Variants in ZBTB8B observed in about 807,000 individuals in gnomAD.
The protein encoded by ZBTB8B is zinc finger and BTB domain-containing protein 8B.
ZBTB8B carries 17 observed loss-of-function variants against 30.3 expected under a neutral mutation model. That is an observed-to-expected ratio of 0.56 (90% CI 0.38 to 0.84). The LOEUF (loss-of-function observed/expected upper bound fraction) is 0.84. ZBTB8B is among the 40% of genes least tolerant of loss of function. The probability of loss-of-function intolerance (pLI) is 0.00; values close to 1 mark genes in which losing one functional copy is unlikely to be tolerated. For missense variants in ZBTB8B, 515 were observed against 644.9 expected (o/e 0.80, Z 2.18); for synonymous variants, 248 against 255.6 (o/e 0.97, Z 0.28).
chr1:32,489,483 A>C lies in ZBTB8B; in HGVS notation c.*4065A>C, dbSNP rs1643766032. On this transcript the variant is annotated 3_prime_UTR_variant, in exon 4 of 4. Coordinates refer to ENST00000609129, the MANE Select transcript of ZBTB8B (RefSeq NM_001145720.2). Reference sequence around the variant, plus strand: ...AGGAGATACTTCCTCTGTCTAGACTATCAGATCATAAATTGGTCCCCTTTA... The same window carrying C: ...AGGAGATACTTCCTCTGTCTAGACTCTCAGATCATAAATTGGTCCCCTTTA... 1 of 152,206 alleles carries C rather than the reference A, an allele frequency of 6.6e-6. No individual in the cohort carries two copies. Among genetic ancestry groups the C allele is most frequent in the Non-Finnish European group, 1.5e-5 (1 of 68,028 alleles). 9.4% of individuals were successfully genotyped at this position (152,206 alleles called of 1,614,324 possible).
intron 2 of ZBTB8B, among the ~76,000 whole-genome samples, chr1:32,476,977 C>A (rs187257435): frequency 6.6e-6 from 1 of 152,248 alleles, no homozygotes; most frequent in East Asian, 1.9e-4. Flanking sequence ...ATGTGACCAT[C>A]ACAATCTAGT....
intron 2 of ZBTB8B, among the ~76,000 whole-genome samples, chr1:32,473,479 A>G (rs545520713): frequency 6.8e-6 from 1 of 146,636 alleles, no homozygotes; most frequent in East Asian, 2.0e-4. Flanking sequence ...GAGATCAGCT[A>G]TTTTTATTCA....
Position 32,485,198 on chromosome 1 carries a change from G to A in ZBTB8B, c.1268G>A (p.Ser423Asn). 2 of 1,551,948 alleles carry A rather than the reference G, an allele frequency of 1.3e-6. No individual in the cohort carries two copies. Among genetic ancestry groups the A allele is most frequent in the Non-Finnish European group, 1.7e-6 (2 of 1,147,044 alleles). ...CTGCGGCGCTTCGGGCTGTGTGACA[G>A]CTGCACCTGCGTTACAGACACACCC... ...QGLRRFGLCD[S>N]CTCVTDTPDD... The change falls in exon 4 of 4, where the codon AGC becomes AAC. Residue 423 changes from serine (S) to asparagine (N), a missense_variant. Physicochemically the swap from Ser to Asn is conservative, Grantham distance 46. Transcript: ENST00000609129.
Position 32,485,433 on chromosome 1 carries a change from G to C in ZBTB8B, c.*15G>C, listed in dbSNP as rs745697456. On this transcript the variant is annotated 3_prime_UTR_variant, in exon 4 of 4. Coordinates refer to ENST00000609129, the MANE Select transcript of ZBTB8B (RefSeq NM_001145720.2). ...CACTTACGTAGCAATAAATTGGTGGGGAAGAGGAGGTTTTAAAACTTGTTA... is the reference window on the plus strand; with the variant it reads ...CACTTACGTAGCAATAAATTGGTGGCGAAGAGGAGGTTTTAAAACTTGTTA... The C allele has an allele frequency of 3.2e-6, 5 of 1,542,508 alleles. No homozygotes were observed. The South Asian group carries it at 4.8e-5, about 15-fold the overall frequency.
rs559351953 is a variant in ZBTB8B, at chr1:32,486,165, A to C, written c.*747A>C. On this transcript the variant is annotated 3_prime_UTR_variant, in exon 4 of 4. Transcript: ENST00000609129. ...ATACAACCTGTTCTGTTATCATAAAACAACTCATTTGGGCAAAACTCAAAA... is the reference window on the plus strand; with the variant it reads ...ATACAACCTGTTCTGTTATCATAAACCAACTCATTTGGGCAAAACTCAAAA... 2.6e-5 allele frequency: 4 copies of C among 152,358 alleles called. No homozygotes were observed. Among genetic ancestry groups the C allele is most frequent in the Admixed American group, 6.5e-5 (1 of 15,308 alleles). 9.4% of individuals were successfully genotyped at this position (152,358 alleles called of 1,614,324 possible).
At chr1:32,477,400 T>C (rs1310360999) in intron 2 of ZBTB8B, among the ~76,000 whole-genome samples, 2 of 152,232 alleles carry the variant, frequency 1.3e-5, no homozygotes, top group African/African-American at 4.8e-5. Flanking sequence ...AGACAATCCA[T>C]ACTTTTCTGA....
Position 32,468,672 on chromosome 1 carries a change from G to A in ZBTB8B, c.-41-1912G>A, listed in dbSNP as rs1315787713. ...CCAGTCTTGTTCGTGACCAGCCTGG[G>A]TAACACAGTGAAACCCCATCTCTAC... On this transcript the variant is annotated intron_variant, in intron 1 of 3. Coordinates refer to ENST00000609129, the MANE Select transcript of ZBTB8B (RefSeq NM_001145720.2). Among the ~76,000 whole-genome samples, 4 of 152,054 alleles carry A rather than the reference G, an allele frequency of 2.6e-5. No individual in the cohort carries two copies. In the East Asian group the frequency reaches 5.8e-4, roughly 22 times the overall value.
chr1:32,479,196 C>A (rs1017067778), intron 2 of ZBTB8B, among the ~76,000 whole-genome samples: 15 of 151,912 alleles, frequency 9.9e-5, no homozygotes, highest in Admixed American at 7.9e-4. Context: ...ATGATATGAC[C>A]AAAGTCTATA....
In ZBTB8B at chr1:32,484,063, G is replaced by T. The variant is rs1174635742; in HGVS notation, c.1171-1038G>T. Among the ~76,000 whole-genome samples the T allele has an allele frequency of 6.6e-6, 1 of 151,898 alleles. No individual in the cohort carries two copies. The highest frequency in any genetic ancestry group is 1.5e-5 in the Non-Finnish European group (1 of 67,964). On this transcript the variant is annotated intron_variant, in intron 3 of 3. Transcript: ENST00000609129. The surrounding 1 kb of genome is among the most constrained non-coding windows in gnomAD (Gnocchi z 4.5). ...CTACAAGAAATAAAAAATTAGCCAG[G>T]CATGATGATATGTGGGCGCCTGTGG... is the stretch of plus-strand genomic sequence containing the variant.
chr1:32,466,490 T>C (rs561628839), intron 1 of ZBTB8B, among the ~76,000 whole-genome samples: 1 of 152,230 alleles, frequency 6.6e-6, no homozygotes, highest in East Asian at 1.9e-4. Flanking sequence ...TAAGAGCTGC[T>C]CTTCTGGGAT....
rs894641937 is a variant in ZBTB8B, at chr1:32,473,799, G to C, written c.991+2184G>C. Among the ~76,000 whole-genome samples, 10 of 152,140 alleles carry C rather than the reference G, an allele frequency of 6.6e-5. No homozygotes were observed. In the East Asian group the frequency reaches 1.9e-3, roughly 29 times the overall value. ...GCCTCTCAAAGTGCCAGGATTACAGGTGTGAGCCATTGTGCCTGGCCTGTC... is the reference window on the plus strand; with the variant it reads ...GCCTCTCAAAGTGCCAGGATTACAGCTGTGAGCCATTGTGCCTGGCCTGTC... On this transcript the variant is annotated intron_variant, in intron 2 of 3. Coordinates refer to ENST00000609129, the MANE Select transcript of ZBTB8B (RefSeq NM_001145720.2).
chr1:32,470,516 A>G (rs980198455), intron 1 of ZBTB8B, 68 bp from the exon 2 acceptor site: 54 of 1,121,900 alleles, frequency 4.8e-5, no homozygotes, highest in East Asian at 1.4e-4. Context: ...AAAAAAAAAA[A>G]AAAAAAAAAA....
rs924975742 is a variant in ZBTB8B at position 32,480,861 on chromosome 1, A to G, written c.992-30A>G. The G allele has an allele frequency of 3.2e-6, 5 of 1,543,944 alleles. No individual in the cohort carries two copies. The African/African-American group carries it at 6.8e-5, about 21-fold the overall frequency. Reference sequence around the variant, plus strand: ...GCCAGGGTTGGTCACTGCATACAGCACAGCTAAATGAAAGCATTTGGTTCC... The same window carrying G: ...GCCAGGGTTGGTCACTGCATACAGCGCAGCTAAATGAAAGCATTTGGTTCC... On this transcript the variant is annotated intron_variant, in intron 2 of 3. Transcript: ENST00000609129.
At chr1:32,473,782 A>C (rs1643641551) in intron 2 of ZBTB8B, among the ~76,000 whole-genome samples, 1 of 152,054 alleles carries the variant, frequency 6.6e-6, no homozygotes, top group African/African-American at 2.4e-5. Context: ...CAGCCTCTCA[A>C]AGTGCCAGGA....
At position 32,494,312 on chromosome 1, in the gene ZBTB8B, C is replaced by T. The variant is rs996211055; in HGVS notation, c.*8894C>T. ...CAACTCCATGTGACAGATGAAATGACGTTTCTAGTTCTCACACAGCTGGTT... is the reference window on the plus strand; with the variant it reads ...CAACTCCATGTGACAGATGAAATGATGTTTCTAGTTCTCACACAGCTGGTT... On this transcript the variant is annotated 3_prime_UTR_variant, in exon 4 of 4. Transcript: ENST00000609129. 7.3e-5 allele frequency: 11 copies of T among 151,646 alleles called. No individual in the cohort carries two copies. Among genetic ancestry groups the T allele is most frequent in the African/African-American group, 1.9e-4 (8 of 41,226 alleles). 9.4% of individuals were successfully genotyped at this position (151,646 alleles called of 1,614,324 possible). A position where few individuals can be genotyped will look rare whatever the true frequency, so the allele number is the denominator to read the frequency against.
At chr1:32,480,836 G>C (rs1209551416) in intron 2 of ZBTB8B, 55 bp from the exon 3 acceptor site, 5 of 1,474,412 alleles carry the variant, frequency 3.4e-6, no homozygotes, top group Non-Finnish European at 4.5e-6. Context: ...CCGGCGGGTA[G>C]CCAGGGTTGG....
chr1:32,471,475 T>C lies in ZBTB8B; in HGVS notation c.851T>C (p.Leu284Pro). ...NYHVKQFLEA[L>P]LRNSAAPSKD... The stretch of plus-strand genomic sequence containing the variant: ...CACGTGAAGCAGTTCCTGGAGGCGC[T>C]CTTGCGCAACAGCGCTGCCCCGAGC... Residue 284 changes from leucine to proline, a missense_variant, in exon 2 of 4, where the codon CTC (leucine) becomes CCC (proline). Coordinates refer to ENST00000609129, the MANE Select transcript of ZBTB8B (RefSeq NM_001145720.2). 1 of 1,551,818 alleles carries C rather than the reference T, an allele frequency of 6.4e-7. No homozygotes were observed. Among genetic ancestry groups the C allele is most frequent in the South Asian group, 1.2e-5 (1 of 84,066 alleles).
rs531986003 is a variant in ZBTB8B, at chr1:32,485,153, C to T, written c.1223C>T (p.Thr408Met). 1.8e-4 allele frequency: 274 copies of T among 1,552,120 alleles called. No individual in the cohort carries two copies. Among genetic ancestry groups the T allele is most frequent in the Non-Finnish European group, 1.8e-4 (201 of 1,147,096 alleles). ...IICKGCRRTF[T>M]SHLSQGLRRF... ...TGCAAGGGCTGCAGGAGAACATTCA[C>T]GAGTCACCTGTCCCAGGGGCTGCGG... Residue 408 changes from threonine (T) to methionine (M), a missense_variant, in exon 4 of 4, where the codon ACG becomes ATG. By Grantham distance (81) the Thr-to-Met change is moderately conservative. Transcript: ENST00000609129.
rs1280486068 is a variant in ZBTB8B, at chr1:32,491,947, T to C, written c.*6529T>C. On this transcript the variant is annotated 3_prime_UTR_variant, in exon 4 of 4. Coordinates refer to ENST00000609129, the MANE Select transcript of ZBTB8B (RefSeq NM_001145720.2). ...CTATGCTAAGCAATTGCATAACAGATATTACACCTAATTCCTATAGAATAT... is the reference window on the plus strand; with the variant it reads ...CTATGCTAAGCAATTGCATAACAGACATTACACCTAATTCCTATAGAATAT... The C allele has an allele frequency of 6.6e-6, 1 of 152,240 alleles. No homozygotes were observed. 9.4% of individuals were successfully genotyped at this position (152,240 alleles called of 1,614,324 possible).
Sources: gnomAD v4.1 joint callset for allele counts (sites outside exome capture counted in the v4.1 genomes callset) on GRCh38, gnomAD v4.1.1 for gene constraint, Gnocchi (gnomAD v3.1) non-coding constraint, MANE v1.5 for transcripts, NCBI Gene and HGNC (gene_info 2026-07-23, HGNC 2026-07-21) for gene names.